The following EIF3C variants were observed in gnomAD, a reference collection of about 807,000 sequenced individuals.
EIF3C encodes cell migration-inducing protein 17.
A neutral mutation model predicts 11.1 loss-of-function variants in EIF3C; 2 were observed. That is an observed-to-expected ratio of 0.18 (90% CI 0.07 to 0.57). The LOEUF is 0.57. Among genes scored for constraint, EIF3C ranks in the 20% least tolerant of loss-of-function variants. The pLI, the probability that EIF3C is intolerant of heterozygous loss-of-function variation, is 0.92. For synonymous variants in EIF3C, 2 were observed against 41.5 expected, an observed-to-expected ratio of 0.05 and a Z score of 3.66; for missense variants, 16 against 114.6, an observed-to-expected ratio of 0.14 and a Z score of 3.93.
chr16:28,728,496 GGT>G lies in EIF3C; in HGVS notation c.1818+1264_1818+1265del, dbSNP rs55817458. ...GGGGTTGTGTGTGTATCTTTTAGGG[GGT>G]GTGTGTGTGTGTATCTTTTAGGGGT... is the stretch of plus-strand genomic sequence containing the variant. On this transcript the variant is annotated intron_variant, in intron 15 of 20. Coordinates refer to ENST00000331666, the MANE Select transcript of EIF3C (RefSeq NM_003752.5). Among the ~76,000 whole-genome samples the G allele has an allele frequency of 6.1e-5, 4 of 65,322 alleles. 1 individual carries two copies. Among genetic ancestry groups the G allele is most frequent in the South Asian group, 3.9e-4 (1 of 2,554 alleles). The allele number at this position is 65,322 out of a possible 152,430, so 42.9% of individuals were successfully genotyped here. A position where few individuals can be genotyped will look rare whatever the true frequency, so the allele number is the denominator to read the frequency against.
chr16:28,723,147 C>T lies in EIF3C; in HGVS notation c.777-17C>T. ...GGGAGGGGCTGATCTGTCATCTTCT[C>T]CCATGTCTGTCGGCAGGGCACCCAC... On this transcript the variant is annotated splice_polypyrimidine_tract_variant and intron_variant, in intron 8 of 20. Transcript: ENST00000331666. 6.2e-7 allele frequency: 1 copy of T among 1,612,466 alleles called. No individual in the cohort carries two copies. Among genetic ancestry groups the T allele is most frequent in the Non-Finnish European group, 8.5e-7 (1 of 1,179,388 alleles).
chr16:28,699,426 C>T (rs1423301748), intron 1 of EIF3C, among the ~76,000 whole-genome samples: 1 of 101,294 alleles, frequency 9.9e-6, no homozygotes, highest in Non-Finnish European at 1.9e-5. Context: ...AGTCCAGCTT[C>T]GGCTCCGCAT....
intron 1 of EIF3C, among the ~76,000 whole-genome samples, chr16:28,689,204 C>T (rs1446197626): frequency 2.1e-5 from 1 of 48,524 alleles, no homozygotes; most frequent in Non-Finnish European, 3.6e-5. Flanking sequence ...CCACCACGCC[C>T]GGCCCCATGG....
intron 15 of EIF3C, among the ~76,000 whole-genome samples, chr16:28,727,700 GTCTGTT>G (rs1438606098): frequency 8.6e-6 from 1 of 116,266 alleles, no homozygotes; most frequent in Middle Eastern, 3.8e-3. Flanking sequence ...ATATCACTGT[GTCTGTT>G]TTCCTCTTGG....
At chr16:28,691,180 A>AAT (rs1284099497) in intron 1 of EIF3C, among the ~76,000 whole-genome samples, 1 of 40,400 alleles carries the variant, frequency 2.5e-5, no homozygotes, top group Non-Finnish European at 3.8e-5. Context: ...GTCTCAAAAA[A>AAT]ATATATATAT....
intron 1 of EIF3C, chr16:28,701,556 C>T (rs1158286357): frequency 7.2e-6 from 1 of 139,172 alleles, no homozygotes; most frequent in South Asian, 5.5e-5. Context: ...CTCTGCGACC[C>T]AGCTAACTCC....
chr16:28,733,701 ACTT>A (rs913814746), intron 16 of EIF3C, among the ~76,000 whole-genome samples: 1 of 26,246 alleles, frequency 3.8e-5, no homozygotes, highest in African/African-American at 7.8e-5. Flanking sequence ...TAATATATAA[ACTT>A]GTGATTTTAG....
rs2048357683 is a variant in EIF3C at position 28,723,293 on chromosome 16, A to G, written c.906A>G (p.Glu302=). The change falls in exon 9 of 21, where the codon GAA becomes GAG. Residue 302 remains glutamate (E), a synonymous_variant. Coordinates refer to ENST00000331666, the MANE Select transcript of EIF3C (RefSeq NM_003752.5). ...AGGACAATGAAGGCGGGGAGTGGGA[A>G]AGGGTCCGGGGCGGAGTGCCGTTGG... is the stretch of plus-strand genomic sequence containing the variant. ...EEEDNEGGEW[E]RVRGGVPLVK... 1 of 1,614,172 alleles carries G rather than the reference A, an allele frequency of 6.2e-7. No individual in the cohort carries two copies. Among genetic ancestry groups the G allele is most frequent in the Non-Finnish European group, 8.5e-7 (1 of 1,180,066 alleles).
intron 1 of EIF3C, among the ~76,000 whole-genome samples, chr16:28,698,443 A>C (rs1331864477): frequency 2.3e-4 from 13 of 56,736 alleles, no homozygotes; most frequent in Admixed American, 4.5e-4. Context: ...TGACCCCCCC[A>C]CCTCCCTCCC....
At position 28,699,470 on chromosome 16, in the gene EIF3C, C is replaced by T. The variant is rs1246629096; in HGVS notation, c.-31+10642C>T. Among the ~76,000 whole-genome samples the T allele has an allele frequency of 3.7e-4, 33 of 88,066 alleles. 3 individuals are homozygous for T. Among genetic ancestry groups the T allele is most frequent in the East Asian group, 2.4e-3 (6 of 2,550 alleles). The allele number at this position is 88,066 out of a possible 152,430, so 57.8% of individuals were successfully genotyped here. The stretch of plus-strand genomic sequence containing the variant: ...GACCGTGGGGAGAGGGAGACGGAGA[C>T]GGAGACGGAGACGGAGAGGGAGAGG... On this transcript the variant is annotated intron_variant, in intron 1 of 20. Transcript: ENST00000566501.
At chr16:28,728,521 G>GGGGTGTGT (rs1555491254) in intron 15 of EIF3C, among the ~76,000 whole-genome samples, 1 of 87,010 alleles carries the variant, frequency 1.1e-5, no homozygotes, top group East Asian at 2.6e-4. Context: ...ATCTTTTAGG[G>GGGGTGTGT]GTGTGTGTGT....
chr16:28,710,020 G>T (rs1190059652), upstream of EIF3C, among the ~76,000 whole-genome samples: 8 of 99,010 alleles, frequency 8.1e-5, no homozygotes, highest in Admixed American at 5.7e-4. Context: ...ACAGAGTCTT[G>T]CTCTGTCGCT....
Position 28,733,902 on chromosome 16 carries a change from G to GT in EIF3C, c.2183-612dup, listed in dbSNP as rs2048476946. ...AGGTGGTTTTGTTTTGTTTTGTTTT[G>GT]TTTTTTGAGACAGAGTCTCGCTCTG... On this transcript the variant is annotated intron_variant, in intron 16 of 20. Transcript: ENST00000331666. Among the ~76,000 whole-genome samples the GT allele has an allele frequency of 3.5e-5, 4 of 115,388 alleles. 1 individual carries two copies. Among genetic ancestry groups the GT allele is most frequent in the South Asian group, 5.3e-4 (2 of 3,800 alleles). 75.7% of individuals were successfully genotyped at this position (115,388 alleles called of 152,430 possible).
chr16:28,729,719 A>G (rs947659043), intron 15 of EIF3C, among the ~76,000 whole-genome samples: 1 of 132,708 alleles, frequency 7.5e-6, no homozygotes, highest in Non-Finnish European at 1.6e-5. Context: ...TGTCCCATTC[A>G]TTTACCTTTT....
chr16:28,698,365 G>T (rs2048255835), intron 1 of EIF3C, among the ~76,000 whole-genome samples: 1 of 99,558 alleles, frequency 1.0e-5, no homozygotes, highest in African/African-American at 5.2e-5. Flanking sequence ...CGGACGGGGC[G>T]GCTGGCCGGG....
intron 2 of EIF3C, chr16:28,712,214 C>T (rs2048305723): frequency 1.2e-5 from 1 of 81,134 alleles, no homozygotes; most frequent in Non-Finnish European, 2.7e-5. Flanking sequence ...GGTGCTTAAA[C>T]ATTTTCTATG....
At chr16:28,718,657 G>T (rs1265300156) in intron 8 of EIF3C, among the ~76,000 whole-genome samples, 1 of 126,716 alleles carries the variant, frequency 7.9e-6, no homozygotes, top group Non-Finnish European at 1.6e-5. Context: ...GTCTTGCACT[G>T]TCGCCCAGGC....
intron 1 of EIF3C, chr16:28,700,524 C>G (rs554111353): frequency 3.1e-6 from 1 of 320,030 alleles, no homozygotes; most frequent in African/African-American, 3.7e-5. Context: ...TCGTCACCTC[C>G]ACGGGTTCCA....
At chr16:28,696,814 C>G (rs1166868141) in intron 1 of EIF3C, among the ~76,000 whole-genome samples, 2 of 70,982 alleles carry the variant, frequency 2.8e-5, no homozygotes, top group Admixed American at 1.5e-4. Context: ...CCACTGCCCT[C>G]CAGCCTGGGC....
Sources: gnomAD v4.1 joint callset for allele counts (sites outside exome capture counted in the v4.1 genomes callset) on GRCh38, gnomAD v4.1.1 for gene constraint, MANE v1.5 for transcripts, NCBI Gene and HGNC (gene_info 2026-07-23, HGNC 2026-07-21) for gene names.